The following TMTC2 variants were observed in gnomAD, a reference collection of about 807,000 sequenced individuals.
TMTC2 encodes transmembrane O-mannosyltransferase targeting cadherins 2.
Under a neutral mutation model 82.4 loss-of-function variants are expected in TMTC2, and 43 were observed. The observed-to-expected ratio is 0.52, with a 90% CI of 0.41 to 0.67. The LOEUF (loss-of-function observed/expected upper bound fraction) is 0.67, where lower values mean the gene tolerates loss of function less well. TMTC2 is among the 30% of genes least tolerant of loss of function. The pLI is 0.00. For missense variants in TMTC2, 919 were observed against 1,012.4 expected (o/e 0.91, Z 1.25); for synonymous variants, 408 against 381.9 (o/e 1.07, Z -0.80).
At chr12:83,056,571 CAG>C (rs1431710570) in intron 10 of TMTC2, among the ~76,000 whole-genome samples, 3 of 151,674 alleles carry the variant, frequency 2.0e-5, no homozygotes, top group East Asian at 1.9e-4. Flanking sequence ...AGAAAAAAAA[CAG>C]AATCAAATTG....
At position 83,030,894 on chromosome 12, in the gene TMTC2, G is replaced by GT. The variant is rs776842511; in HGVS notation, c.2152+23dup. 56 of 1,592,664 alleles carry GT rather than the reference G, an allele frequency of 3.5e-5. No homozygotes were observed. The highest frequency in any genetic ancestry group is 4.5e-5 in the East Asian group (2 of 44,730). ...CATGCATTATGGTGAGTGGTTGATA[G>GT]TTTTTTTTCCATGTCCCCCACATTT... On this transcript the variant is annotated intron_variant, in intron 9 of 11. Transcript: ENST00000321196.
intron 2 of TMTC2, among the ~76,000 whole-genome samples, chr12:82,883,875 T>G (rs1872959947): frequency 6.6e-6 from 1 of 152,220 alleles, no homozygotes; most frequent in Non-Finnish European, 1.5e-5. Context: ...CTTCTTTACT[T>G]TCGTTTAAAA....
rs574358129 is a variant in TMTC2 at position 82,940,111 on chromosome 12, C to G, written c.1598+9566C>G. The stretch of plus-strand genomic sequence containing the variant: ...TCTCGGCTCACAGCAACCTCCGCCT[C>G]CCGCGTTCAAGCCATTCTGCCTCAG... On this transcript the variant is annotated intron_variant, in intron 4 of 11. Transcript: ENST00000321196. 1.0e-3 allele frequency among the ~76,000 whole-genome samples: 152 copies of G among 149,992 alleles called. 1 individual carries two copies. Among genetic ancestry groups the G allele is most frequent in the African/African-American group, 3.7e-3 (150 of 40,956 alleles).
chr12:83,077,661 G>A (rs1034807067), intron 11 of TMTC2, among the ~76,000 whole-genome samples: 2 of 151,692 alleles, frequency 1.3e-5, no homozygotes, highest in African/African-American at 2.4e-5. Flanking sequence ...TGCATCCTCT[G>A]CCTCCCGAGT....
rs141039875 is a variant in TMTC2, at chr12:83,125,210, T to C, written c.2332-7000T>C. On this transcript the variant is annotated intron_variant, in intron 11 of 11. Transcript: ENST00000321196. ...TACTGTCTGGCTGCCCAGATTTCTA[T>C]CATTACCTTGAGTGAACTTATATCA... Among the ~76,000 whole-genome samples the C allele has an allele frequency of 1.6e-4, 24 of 152,338 alleles. 1 individual carries two copies. The highest frequency in any genetic ancestry group is 5.5e-4 in the African/African-American group (23 of 41,580).
intron 10 of TMTC2, among the ~76,000 whole-genome samples, chr12:83,059,694 C>T (rs777499814): frequency 2.0e-5 from 3 of 151,528 alleles, no homozygotes; most frequent in Non-Finnish European, 4.4e-5. Flanking sequence ...AACTAATAAC[C>T]ATTTTGGGGG....
At chr12:82,765,319 A>G (rs1876889925) in intron 1 of TMTC2, among the ~76,000 whole-genome samples, 1 of 152,186 alleles carries the variant, frequency 6.6e-6, no homozygotes, top group South Asian at 2.1e-4. Context: ...TATGTCAGAT[A>G]GTATGTTGGG....
intron 11 of TMTC2, among the ~76,000 whole-genome samples, chr12:83,128,637 A>G (rs569798495): frequency 6.6e-6 from 1 of 152,280 alleles, no homozygotes; most frequent in Admixed American, 6.5e-5. Flanking sequence ...CTTACAAGGC[A>G]CCTGGGTTTC....
chr12:82,965,799 A>G, intron 6 of TMTC2, 55 bp downstream of exon 6: 1 of 1,603,058 alleles, frequency 6.2e-7, no homozygotes, highest in Non-Finnish European at 8.5e-7. Flanking sequence ...ATCCAGTCTC[A>G]GTGGTTTGTA....
chr12:82,822,030 C>A (rs554757027), intron 1 of TMTC2, among the ~76,000 whole-genome samples: 9 of 152,070 alleles, frequency 5.9e-5, no homozygotes, highest in Admixed American at 5.2e-4. Context: ...CATGGAGGAA[C>A]CTTAAATGCA....
At chr12:82,856,037 A>G (rs77113660) in intron 1 of TMTC2, among the ~76,000 whole-genome samples, 2,237 of 152,310 alleles carry the variant, frequency 0.015, 39 homozygotes, top group Admixed American at 0.053. Flanking sequence ...GTTATTAATT[A>G]ATCTTTCTGA....
chr12:83,072,413 G>T lies in TMTC2; in HGVS notation c.2331+10582G>T, dbSNP rs558368998. On this transcript the variant is annotated intron_variant, in intron 11 of 11. Transcript: ENST00000321196. Reference sequence around the variant, plus strand: ...TCTTAAATTTATTGAGGCTCGTTTTGTGGCCTATCATATGGTCTGTTTTGG... The same window carrying T: ...TCTTAAATTTATTGAGGCTCGTTTTTTGGCCTATCATATGGTCTGTTTTGG... Among the ~76,000 whole-genome samples, 6 of 152,122 alleles carry T rather than the reference G, an allele frequency of 3.9e-5. No homozygotes were observed. In the East Asian group the frequency reaches 1.2e-3, roughly 29 times the overall value.
intron 8 of TMTC2, 127 bp from the exon 9 acceptor site, chr12:83,030,671 C>A (rs955401417): frequency 3.4e-6 from 2 of 585,566 alleles, no homozygotes; most frequent in Non-Finnish European, 5.8e-6. Context: ...TAGATAAAAA[C>A]AAAAATTTTT....
chr12:82,900,813 AGGAATATATATACCT>A (rs1873958787), intron 3 of TMTC2, among the ~76,000 whole-genome samples: 1 of 134,238 alleles, frequency 7.4e-6, no homozygotes, highest in Admixed American at 8.1e-5. Flanking sequence ...ATATATATAT[AGGAATATATATACCT>A]GGAATATATA....
intron 2 of TMTC2, among the ~76,000 whole-genome samples, chr12:82,882,799 A>G (rs1872897196): frequency 6.6e-6 from 1 of 151,914 alleles, no homozygotes; most frequent in Non-Finnish European, 1.5e-5. Flanking sequence ...GCAATCCCAA[A>G]GTAATCCCAG....
At chr12:82,964,419 A>G (rs1878094384) in intron 4 of TMTC2, among the ~76,000 whole-genome samples, 1 of 152,090 alleles carries the variant, frequency 6.6e-6, no homozygotes, top group Non-Finnish European at 1.5e-5. Flanking sequence ...TGAAATTTGC[A>G]TAGTGTTCCG....
intron 1 of TMTC2, among the ~76,000 whole-genome samples, chr12:82,835,813 T>C (rs1870005610): frequency 6.6e-6 from 1 of 152,176 alleles, no homozygotes; most frequent in Admixed American, 6.5e-5. Flanking sequence ...GACTTCCCTC[T>C]TCCTTGACCC....
chr12:82,776,615 G>GAAAA (rs750550745), intron 1 of TMTC2, among the ~76,000 whole-genome samples: 7 of 87,362 alleles, frequency 8.0e-5, no homozygotes, highest in African/African-American at 1.9e-4. Flanking sequence ...TGTCTCTAAT[G>GAAAA]AAAAAAAAAA....
chr12:82,844,153 A>T (rs1226801149), intron 1 of TMTC2, among the ~76,000 whole-genome samples: 1 of 152,200 alleles, frequency 6.6e-6, no homozygotes. Context: ...CTGAGGAGTC[A>T]GTGGATTCAC....
Sources: gnomAD v4.1 joint callset for allele counts (sites outside exome capture counted in the v4.1 genomes callset) on GRCh38, gnomAD v4.1.1 for gene constraint, MANE v1.5 for transcripts, NCBI Gene and HGNC (gene_info 2026-07-23, HGNC 2026-07-21) for gene names.